Variants in ZNF704 observed in about 807,000 individuals in gnomAD.
The protein encoded by ZNF704 is glucocorticoid induced gene 1.
In ZNF704, 10 loss-of-function variants were observed where a neutral mutation model predicts 44.7. The ratio of observed to expected loss-of-function variants is 0.22; its 90% CI spans 0.14 to 0.38. The LOEUF (loss-of-function observed/expected upper bound fraction) is 0.38, where lower values mean the gene tolerates loss of function less well. Ranked by LOEUF, ZNF704 falls within the 10% of genes least tolerant of loss-of-function variation. The pLI is 1.00. For synonymous variants in ZNF704, 211 were observed against 207.6 expected (o/e 1.02, Z -0.14); for missense variants, 390 against 545.5 (o/e 0.71, Z 2.84).
intron 1 of ZNF704, among the ~76,000 whole-genome samples, chr8:80,861,991 C>CTTTTTTTTTTTTTTTTTT (rs71266093): frequency 5.4e-5 from 5 of 92,996 alleles, no homozygotes; most frequent in African/African-American, 2.7e-4. Context: ...AAAAAATAAC[C>CTTTTTTTTTTTTTTTTTT]TTTTTTTTTT....
chr8:80,756,108 C>CAA (rs112305520), intron 2 of ZNF704, among the ~76,000 whole-genome samples: 5,594 of 136,082 alleles, frequency 0.041, 376 homozygotes, highest in African/African-American at 0.14. Context: ...GACCTCGTCT[C>CAA]AAAAAAAAAA....
chr8:80,857,929 T>C (rs2130026375), intron 1 of ZNF704, among the ~76,000 whole-genome samples: 1 of 152,302 alleles, frequency 6.6e-6, no homozygotes, highest in Non-Finnish European at 1.5e-5. Flanking sequence ...GGGATATTTC[T>C]TTAACAGATG....
At chr8:80,728,340 C>G (rs1806519662) in intron 2 of ZNF704, among the ~76,000 whole-genome samples, 1 of 152,146 alleles carries the variant, frequency 6.6e-6, no homozygotes, top group Non-Finnish European at 1.5e-5. Context: ...CAATACAGCT[C>G]TTGTGGATGC....
intron 7 of ZNF704, among the ~76,000 whole-genome samples, chr8:80,650,476 C>A (rs1817900322): frequency 6.6e-6 from 1 of 152,120 alleles, no homozygotes; most frequent in Non-Finnish European, 1.5e-5. Flanking sequence ...CTTAAAGGAC[C>A]TGTTGGAACT....
chr8:80,653,840 T>C (rs1464568200), intron 7 of ZNF704, among the ~76,000 whole-genome samples: 3 of 152,202 alleles, frequency 2.0e-5, no homozygotes, highest in Non-Finnish European at 2.9e-5. Flanking sequence ...AAAAAACTAC[T>C]TTAAAGTTCA....
intron 1 of ZNF704, among the ~76,000 whole-genome samples, chr8:80,858,446 A>G (rs1809000255): frequency 6.6e-6 from 1 of 152,140 alleles, no homozygotes. Context: ...AAGAATATTG[A>G]TGGAGCTGGG....
chr8:80,850,773 A>G (rs954714749), intron 1 of ZNF704, among the ~76,000 whole-genome samples: 2 of 152,156 alleles, frequency 1.3e-5, no homozygotes, highest in Non-Finnish European at 2.9e-5. Context: ...AGAACTCATA[A>G]GGCTATACTG....
In ZNF704 at chr8:80,805,433, T is replaced by A. The variant is rs112944704; in HGVS notation, c.221+15941A>T. On this transcript the variant is annotated intron_variant, in intron 2 of 8. Coordinates refer to ENST00000327835, the MANE Select transcript of ZNF704 (RefSeq NM_001033723.3). ...ATCAACTGCCTTATCAATTCTGGAA[T>A]TATGGGGGACCCAGCCTTGAGCTAA... Among the ~76,000 whole-genome samples the A allele has an allele frequency of 6.4e-3, 968 of 152,276 alleles. 10 individuals carry two copies. The highest frequency in any genetic ancestry group is 0.022 in the African/African-American group (901 of 41,546).
intron 2 of ZNF704, among the ~76,000 whole-genome samples, chr8:80,712,379 CCAGA>C (rs1219524594): frequency 9.2e-5 from 14 of 152,144 alleles, no homozygotes; most frequent in African/African-American, 2.9e-4. Flanking sequence ...GCAATATAAA[CCAGA>C]CAAAGATAGG....
intron 1 of ZNF704, among the ~76,000 whole-genome samples, chr8:80,847,634 A>C (rs544258372): frequency 4.6e-5 from 7 of 152,204 alleles, no homozygotes; most frequent in Non-Finnish European, 5.9e-5. Flanking sequence ...TCAATGAAAC[A>C]GAACAGAGGA....
At chr8:80,717,936 A>T (rs1296940847) in intron 2 of ZNF704, among the ~76,000 whole-genome samples, 1 of 152,210 alleles carries the variant, frequency 6.6e-6, no homozygotes, top group East Asian at 1.9e-4. Flanking sequence ...ACAGAGCTGA[A>T]CTTGCATACA....
chr8:80,710,533 C>T (rs1482890562), intron 2 of ZNF704, among the ~76,000 whole-genome samples: 3 of 152,072 alleles, frequency 2.0e-5, no homozygotes, highest in Admixed American at 6.6e-5. Context: ...CCCTACCCCT[C>T]GACATGATAG....
chr8:80,727,591 G>A (rs1806506608), intron 2 of ZNF704, among the ~76,000 whole-genome samples: 1 of 152,114 alleles, frequency 6.6e-6, no homozygotes, highest in African/African-American at 2.4e-5. Flanking sequence ...GGCAGGCAGG[G>A]GGTGGATGGA....
At chr8:80,758,217 A>G (rs1807069531) in intron 2 of ZNF704, among the ~76,000 whole-genome samples, 3 of 152,232 alleles carry the variant, frequency 2.0e-5, no homozygotes, top group African/African-American at 4.8e-5. Flanking sequence ...TAGTCACCAA[A>G]TTATCAGTTA....
chr8:80,660,307 C>T (rs1231072708), intron 6 of ZNF704, among the ~76,000 whole-genome samples: 2 of 151,830 alleles, frequency 1.3e-5, no homozygotes, highest in African/African-American at 4.8e-5. Flanking sequence ...TTCGTCTCTA[C>T]TAAAATTAAA....
chr8:80,861,411 G>C (rs11987063), intron 1 of ZNF704, among the ~76,000 whole-genome samples: 32,357 of 151,920 alleles, frequency 0.21, 4,920 homozygotes, highest in African/African-American at 0.43. Flanking sequence ...TGAATAAAGT[G>C]TTATTGGCAA....
intron 3 of ZNF704, among the ~76,000 whole-genome samples, chr8:80,688,039 G>A (rs1290753554): frequency 1.3e-5 from 2 of 152,050 alleles, no homozygotes; most frequent in Non-Finnish European, 2.9e-5. Context: ...GACCCTGTCT[G>A]TACAGAAAAA....
At chr8:80,822,894 G>T (rs1808302699) in intron 1 of ZNF704, among the ~76,000 whole-genome samples, 1 of 152,200 alleles carries the variant, frequency 6.6e-6, no homozygotes, top group South Asian at 2.1e-4. Context: ...TGATGGGGTT[G>T]TTTGATGTTT....
intron 2 of ZNF704, among the ~76,000 whole-genome samples, chr8:80,746,526 T>C (rs980142431): frequency 3.9e-5 from 6 of 152,212 alleles, no homozygotes; most frequent in Admixed American, 3.9e-4. Context: ...TTGGGCAAGA[T>C]GTTTAAGTTT....
Sources: gnomAD v4.1 joint callset for allele counts (sites outside exome capture counted in the v4.1 genomes callset) on GRCh38, gnomAD v4.1.1 for gene constraint, MANE v1.5 for transcripts, NCBI Gene and HGNC (gene_info 2026-07-23, HGNC 2026-07-21) for gene names.